The following PCM1 variants were observed in gnomAD, a reference collection of about 807,000 sequenced individuals.
PCM1 encodes the protein pericentriolar material 1, also known as pericentriolar material 1 protein.
Under a neutral mutation model 241.9 loss-of-function variants are expected in PCM1, and 157 were observed. The observed-to-expected ratio is 0.65, with a 90% CI of 0.57 to 0.74. PCM1 has a LOEUF of 0.74. Ranked by LOEUF, PCM1 falls within the 30% of genes least tolerant of loss-of-function variation. PCM1 has a pLI of 0.00. For missense variants in PCM1, 3,478 were observed against 2,360.1 expected (o/e 1.47, Z -9.81); for synonymous variants, 1,085 against 784.9 (o/e 1.38, Z -6.39).
chr8:17,965,117 A>G (rs1193106668), intron 18 of PCM1, among the ~76,000 whole-genome samples: 1 of 152,156 alleles, frequency 6.6e-6, no homozygotes, highest in African/African-American at 2.4e-5. Flanking sequence ...ATTTCTTATA[A>G]AGGATTCTGA....
rs749313201 is a variant in PCM1, at chr8:17,935,625, A to G, written c.15A>G (p.Gly5=). The change falls in exon 3 of 39, where the codon GGA becomes GGG. Residue 5 remains glycine, a synonymous_variant. Coordinates refer to ENST00000325083, the MANE Select transcript of PCM1 (RefSeq NM_006197.4). MATG[G]GPFEDGMNDQ... ...TTAAATCCAGTATGGCCACAGGAGGAGGTCCCTTTGAAGATGGCATGAATG... is the reference window on the plus strand; with the variant it reads ...TTAAATCCAGTATGGCCACAGGAGGGGGTCCCTTTGAAGATGGCATGAATG... 3.3e-6 allele frequency: 5 copies of G among 1,513,626 alleles called. No individual in the cohort carries two copies. In the East Asian group the frequency reaches 9.0e-5, roughly 27 times the overall value. The allele number at this position is 1,513,626 out of a possible 1,614,324, so 93.8% of individuals were successfully genotyped here.
At chr8:17,982,638 G>A (rs916689028) in intron 24 of PCM1, 2 of 152,178 alleles carry the variant, frequency 1.3e-5, no homozygotes, top group African/African-American at 4.8e-5. Flanking sequence ...GGGACTACAG[G>A]TGCGTGCCAC....
At chr8:17,937,465 T>A (rs950151953) in intron 4 of PCM1, 86 bp downstream of exon 4, 72 of 1,242,794 alleles carry the variant, frequency 5.8e-5, no homozygotes, top group Non-Finnish European at 7.4e-5. Flanking sequence ...AATAAAAAAT[T>A]GAGCTGTTTA....
chr8:17,979,899 CTT>C (rs1232848789), intron 23 of PCM1, among the ~76,000 whole-genome samples: 4 of 152,068 alleles, frequency 2.6e-5, no homozygotes, highest in African/African-American at 2.4e-5. Context: ...TCCTGTATAA[CTT>C]GTGTTTCTAA....
At chr8:17,932,044 A>T (rs1017872243) in intron 2 of PCM1, among the ~76,000 whole-genome samples, 1 of 152,098 alleles carries the variant, frequency 6.6e-6, no homozygotes, top group African/African-American at 2.4e-5. Flanking sequence ...AATTTTTCAT[A>T]CTGCTTTTTT....
Position 17,966,186 on chromosome 8 carries a change from A to C in PCM1, c.3043A>C (p.Ser1015Arg). The C allele has an allele frequency of 6.2e-7, 1 of 1,613,894 alleles. No individual in the cohort carries two copies. Among genetic ancestry groups the C allele is most frequent in the South Asian group, 1.1e-5 (1 of 91,056 alleles). ...AAAGAAACAGCTTGATTTTAGTGTC[A>C]GTATTTGTCAGACTTTGATGCAAGA... Reference protein sequence around the residue: ...QLKKQLDFSVSICQTLMQDQQ... With the variant: ...QLKKQLDFSVRICQTLMQDQQ... Residue 1015 changes from serine to arginine, a missense_variant, in exon 19 of 39, where the codon AGT becomes CGT. Physicochemically the swap from Ser to Arg is moderately radical, Grantham distance 110 (BLOSUM62 -1). Transcript: ENST00000325083.
chr8:18,028,637 C>CTT lies in PCM1; in HGVS notation c.*977_*978dup, dbSNP rs1466442902. The CTT allele has an allele frequency of 3.1e-5, 6 of 193,768 alleles. No individual in the cohort carries two copies. Among genetic ancestry groups the CTT allele is most frequent in the African/African-American group, 1.3e-4 (5 of 38,832 alleles). The allele number at this position is 193,768 out of a possible 1,614,324, so 12.0% of individuals were successfully genotyped here. On this transcript the variant is annotated 3_prime_UTR_variant, in exon 39 of 39. Transcript: ENST00000325083. ...GGTGAAGTATTGAAAGTTTATGTGA[C>CTT]TTTAAGTCAGCTTTTGAAAAGTGAT...
In PCM1 at chr8:17,956,594, TG is replaced by T; in HGVS notation, c.1473-9del. 1 of 1,539,128 alleles carries T rather than the reference TG, an allele frequency of 6.5e-7. No individual in the cohort carries two copies. The highest frequency in any genetic ancestry group is 1.2e-5 in the South Asian group (1 of 83,734). ...GTGTAAATCGTATACATAAATTTTT[TG>T]TTTATCAGGAAGTTAAATGAAGTTC... is the stretch of plus-strand genomic sequence containing the variant. On this transcript the variant is annotated splice_polypyrimidine_tract_variant and intron_variant, in intron 10 of 38. Coordinates refer to ENST00000325083, the MANE Select transcript of PCM1 (RefSeq NM_006197.4).
intron 5 of PCM1, 55 bp from the exon 6 acceptor site, chr8:17,939,636 G>C: frequency 9.8e-7 from 1 of 1,015,534 alleles, no homozygotes; most frequent in Middle Eastern, 2.1e-4. Flanking sequence ...ATTATCCTTA[G>C]TTTTATATAT....
intron 27 of PCM1, 50 bp downstream of exon 27, chr8:17,990,029 C>G: frequency 7.0e-7 from 1 of 1,426,360 alleles, no homozygotes; most frequent in South Asian, 1.5e-5. Flanking sequence ...TTGATCTGGT[C>G]CAGTCTTTGA....
At chr8:17,939,383 T>C (rs1367585332) in intron 5 of PCM1, among the ~76,000 whole-genome samples, 1 of 45,836 alleles carries the variant, frequency 2.2e-5, no homozygotes, top group Non-Finnish European at 5.3e-5. Flanking sequence ...TTATAAACAT[T>C]AGGAAAATTT....
chr8:18,018,836 A>ATG (rs2093472804), intron 36 of PCM1, among the ~76,000 whole-genome samples: 1 of 63,056 alleles, frequency 1.6e-5, no homozygotes, highest in African/African-American at 6.4e-5. Context: ...GTATATATAT[A>ATG]TATGTGTGTG....
chr8:18,023,969 G>C (rs2093965043), intron 36 of PCM1, among the ~76,000 whole-genome samples: 1 of 152,218 alleles, frequency 6.6e-6, no homozygotes, highest in South Asian at 2.1e-4. Flanking sequence ...CCCTCAAGCT[G>C]AGAGGGCAGC....
At chr8:17,986,296 A>T in intron 26 of PCM1, 1 of 354,304 alleles carries the variant, frequency 2.8e-6, no homozygotes, top group Non-Finnish European at 5.1e-6. Flanking sequence ...TTATGTATGT[A>T]TGATAGATTA....
At chr8:18,004,500 AT>A (rs1487769332) in intron 29 of PCM1, among the ~76,000 whole-genome samples, 1 of 152,152 alleles carries the variant, frequency 6.6e-6, no homozygotes, top group African/African-American at 2.4e-5. Context: ...GATTTAAGTG[AT>A]TTCATTTCAT....
At chr8:18,008,310 A>T (rs936941547) in intron 30 of PCM1, among the ~76,000 whole-genome samples, 1 of 151,906 alleles carries the variant, frequency 6.6e-6, no homozygotes, top group Non-Finnish European at 1.5e-5. Flanking sequence ...GCTCCTTATG[A>T]GAATCTAATT....
intron 8 of PCM1, 95 bp from the exon 9 acceptor site, chr8:17,952,875 T>C: frequency 1.3e-6 from 1 of 766,510 alleles, no homozygotes; most frequent in South Asian, 2.0e-5. Flanking sequence ...AATATTTCTT[T>C]CTCTTTATAA....
At chr8:17,930,820 T>C (rs1050058505) in intron 2 of PCM1, among the ~76,000 whole-genome samples, 1 of 151,520 alleles carries the variant, frequency 6.6e-6, no homozygotes, top group Non-Finnish European at 1.5e-5. Context: ...GCGGAGCTTG[T>C]AGTGAGCCCA....
At chr8:17,942,943 G>T (rs1179193951) in intron 6 of PCM1, among the ~76,000 whole-genome samples, 1 of 150,456 alleles carries the variant, frequency 6.6e-6, no homozygotes, top group Non-Finnish European at 1.5e-5. Context: ...GTTGCAGCGA[G>T]CCGAGATCCT....
Sources: gnomAD v4.1 joint callset for allele counts (sites outside exome capture counted in the v4.1 genomes callset) on GRCh38, gnomAD v4.1.1 for gene constraint, MANE v1.5 for transcripts, NCBI Gene and HGNC (gene_info 2026-07-23, HGNC 2026-07-21) for gene names.